Variants in RFC3 observed in about 807,000 individuals in gnomAD.
The protein encoded by RFC3 is replication factor C subunit 3, also known as A1 38 kDa subunit.
RFC3 carries 41 observed loss-of-function variants against 45.1 expected under a neutral mutation model. The ratio of observed to expected loss-of-function variants is 0.91; its 90% CI spans 0.71 to 1.18. RFC3 has a LOEUF of 1.18. Among genes scored for constraint, RFC3 ranks in the 50% most tolerant of loss-of-function variants. The pLI, the probability that RFC3 is intolerant of heterozygous loss-of-function variation, is 0.00. For missense variants in RFC3, 423 were observed against 428.1 expected, an observed-to-expected ratio of 0.99 and a Z score of 0.10; for synonymous variants, 149 against 144.0, an observed-to-expected ratio of 1.03 and a Z score of -0.25.
chr13:33,925,020 C>CTA (rs940083344), intron 8 of RFC3, among the ~76,000 whole-genome samples: 17 of 149,328 alleles, frequency 1.1e-4, no homozygotes, highest in African/African-American at 1.7e-4. Flanking sequence ...AATCATTTCA[C>CTA]TATATATATA....
At chr13:33,956,120 A>C (rs1010062242) in intron 8 of RFC3, among the ~76,000 whole-genome samples, 6 of 152,232 alleles carry the variant, frequency 3.9e-5, no homozygotes, top group African/African-American at 1.4e-4. Flanking sequence ...GCCAGTGTCC[A>C]CCAATGTGTT....
At chr13:33,952,364 A>G (rs929737984) in intron 8 of RFC3, among the ~76,000 whole-genome samples, 1 of 152,250 alleles carries the variant, frequency 6.6e-6, no homozygotes, top group Non-Finnish European at 1.5e-5. Context: ...CTGCAGAGAA[A>G]GAATACCAGA....
intron 8 of RFC3, among the ~76,000 whole-genome samples, chr13:33,896,711 CAAAAAAAAAAAAAAA>C (rs56129519): frequency 1.4e-4 from 6 of 42,102 alleles, no homozygotes; most frequent in Non-Finnish European, 2.0e-4. Context: ...GACTTTGTCT[CAAAAAAAAAAAAAAA>C]AAAAAAAAAA....
chr13:33,845,482 TCTC>T (rs1388162303), intron 8 of RFC3, among the ~76,000 whole-genome samples: 1 of 152,184 alleles, frequency 6.6e-6, no homozygotes, highest in Non-Finnish European at 1.5e-5. Context: ...TTTTCTTTTG[TCTC>T]CTCTGTATAT....
intron 8 of RFC3, among the ~76,000 whole-genome samples, chr13:33,864,269 G>A (rs2082359686): frequency 6.6e-6 from 1 of 152,126 alleles, no homozygotes; most frequent in South Asian, 2.1e-4. Context: ...CCTCCCACTA[G>A]GCCCACCTCT....
chr13:33,977,155 G>T, the RFC3 span, among the ~76,000 whole-genome samples: 2 of 152,172 alleles, frequency 1.3e-5, no homozygotes, highest in Non-Finnish European at 2.9e-5. Context: ...ACTGTGGCAA[G>T]CAAGAGGAAC....
At chr13:33,964,675 A>T (rs1272217422) in intron 8 of RFC3, among the ~76,000 whole-genome samples, 4 of 152,204 alleles carry the variant, frequency 2.6e-5, no homozygotes, top group African/African-American at 7.2e-5. Flanking sequence ...CCTGGACCAC[A>T]TCACCAATTG....
At chr13:33,938,079 A>G (rs2082898721) in intron 8 of RFC3, among the ~76,000 whole-genome samples, 1 of 149,576 alleles carries the variant, frequency 6.7e-6, no homozygotes, top group African/African-American at 2.5e-5. Context: ...CTCTCCCTCA[A>G]ATCCCTCCCA....
At chr13:33,942,233 C>G (rs2082929037) in intron 8 of RFC3, among the ~76,000 whole-genome samples, 1 of 151,616 alleles carries the variant, frequency 6.6e-6, no homozygotes, top group Admixed American at 6.6e-5. Flanking sequence ...ATTTTTTTGC[C>G]TTTTATTTTT....
At chr13:33,966,393 C>T in exon 9 of RFC3, 1 of 480,008 alleles carries the variant, frequency 2.1e-6, no homozygotes, top group Admixed American at 3.4e-5. Flanking sequence ...GAACTCATGT[C>T]TTTCTCAGAG....
intron 8 of RFC3, among the ~76,000 whole-genome samples, chr13:33,894,379 G>A (rs1249631283): frequency 1.3e-5 from 2 of 152,134 alleles, no homozygotes; most frequent in Non-Finnish European, 2.9e-5. Context: ...GAGGGAAGTC[G>A]TTCCTGATCT....
intron 8 of RFC3, among the ~76,000 whole-genome samples, chr13:33,875,858 C>T (rs1402539748): frequency 6.6e-6 from 1 of 152,136 alleles, no homozygotes; most frequent in African/African-American, 2.4e-5. Context: ...TGCTTTTTGG[C>T]TCGGTGGCCT....
chr13:33,909,275 C>T (rs1160860256), intron 8 of RFC3, among the ~76,000 whole-genome samples: 1 of 151,882 alleles, frequency 6.6e-6, no homozygotes, highest in Non-Finnish European at 1.5e-5. Context: ...TTCACTTTAT[C>T]TTCATAAAGA....
rs767241406 is a variant in RFC3 at position 33,821,189 on chromosome 13, A to G, written c.145A>G (p.Lys49Glu). 4 of 1,613,778 alleles carry G rather than the reference A, an allele frequency of 2.5e-6. No homozygotes were observed. Among genetic ancestry groups the G allele is most frequent in the East Asian group, 4.5e-5 (2 of 44,860 alleles). Residue 49 changes from lysine (K) to glutamate (E), a missense_variant, in exon 2 of 9, where the codon AAG (lysine) becomes GAG (glutamate). Physicochemically the swap from Lys to Glu is moderately conservative, Grantham distance 56 (BLOSUM62 1). Transcript: ENST00000380071. ...GTACGGACCATCAGGTGCTGGAAAAAAGACAAGAATTATGTGTATTCTACG... is the reference window on the plus strand; with the variant it reads ...GTACGGACCATCAGGTGCTGGAAAAGAGACAAGAATTATGTGTATTCTACG... ...LVYGPSGAGK[K>E]TRIMCILREL...
chr13:33,883,873 A>T (rs184512708), intron 8 of RFC3, among the ~76,000 whole-genome samples: 260 of 152,294 alleles, frequency 1.7e-3, no homozygotes, highest in African/African-American at 5.9e-3. Flanking sequence ...AATCTGTGTA[A>T]CAAATCCACA....
intron 8 of RFC3, among the ~76,000 whole-genome samples, chr13:33,927,195 G>C (rs903261352): frequency 2.0e-5 from 3 of 151,204 alleles, no homozygotes; most frequent in African/African-American, 7.3e-5. Flanking sequence ...TGTTCACATT[G>C]CTTGGTAATG....
At chr13:33,838,282 C>T (rs1231304847), downstream of RFC3, among the ~76,000 whole-genome samples, 1 of 152,056 alleles carries the variant, frequency 6.6e-6, no homozygotes, top group Non-Finnish European at 1.5e-5. Flanking sequence ...TGAAAATCTA[C>T]TTTTTTTAAT....
chr13:33,864,372 A>G (rs1468753732), intron 8 of RFC3, among the ~76,000 whole-genome samples: 1 of 152,152 alleles, frequency 6.6e-6, no homozygotes, highest in Admixed American at 6.5e-5. Context: ...AGGCCTACCT[A>G]GAATATCCTC....
chr13:33,918,478 T>C (rs534318462), intron 8 of RFC3, among the ~76,000 whole-genome samples: 1 of 152,228 alleles, frequency 6.6e-6, no homozygotes, highest in Admixed American at 6.5e-5. Context: ...ACAGCATTGT[T>C]GTAAGGAGTA....
Sources: allele counts gnomAD v4.1 joint callset (sites outside exome capture counted in the v4.1 genomes callset), GRCh38; gene constraint gnomAD v4.1.1; transcripts MANE v1.5; gene names NCBI Gene and HGNC (gene_info 2026-07-23, HGNC 2026-07-21).